Variants in THADA observed in about 807,000 individuals in gnomAD.
The protein encoded by THADA is THADA armadillo repeat containing, also known as tRNA (32-2'-O)-methyltransferase regulator THADA.
A neutral mutation model predicts 219.8 loss-of-function variants in THADA; 213 were observed. The ratio of observed to expected loss-of-function variants is 0.97; its 90% CI spans 0.87 to 1.09. The LOEUF is 1.09. Ranked by LOEUF, THADA falls within the 50% of genes least tolerant of loss-of-function variation. The probability of loss-of-function intolerance (pLI) is 0.00; values close to 1 mark genes in which losing one functional copy is unlikely to be tolerated. For missense variants in THADA, 2,956 were observed against 2,311.3 expected, an observed-to-expected ratio of 1.28 and a Z score of -5.72; for synonymous variants, 1,018 against 828.9, an observed-to-expected ratio of 1.23 and a Z score of -3.92.
At chr2:43,291,655 A>G (rs1260631548) in intron 34 of THADA, 41 bp downstream of exon 34, 32 of 1,487,590 alleles carry the variant, frequency 2.2e-5, no homozygotes, top group Non-Finnish European at 2.7e-5. Context: ...AATGAGAACA[A>G]AAAATCCTAG....
chr2:43,334,737 T>C (rs982399692), intron 30 of THADA, among the ~76,000 whole-genome samples: 3 of 151,042 alleles, frequency 2.0e-5, no homozygotes, highest in Non-Finnish European at 4.4e-5. Flanking sequence ...ATCGCGCCAC[T>C]GCACTCCAGC....
chr2:43,500,003 C>T (rs1688735271), intron 24 of THADA, among the ~76,000 whole-genome samples: 1 of 151,860 alleles, frequency 6.6e-6, no homozygotes, highest in Non-Finnish European at 1.5e-5. Flanking sequence ...TTCTCTGAAA[C>T]AGAAATAAAC....
At chr2:43,411,636 T>C (rs1263099215) in intron 28 of THADA, among the ~76,000 whole-genome samples, 1 of 152,194 alleles carries the variant, frequency 6.6e-6, no homozygotes, top group Admixed American at 6.5e-5. Context: ...CAGTGGATTA[T>C]TTTTCAATAT....
chr2:43,507,642 G>C (rs561329272), intron 23 of THADA, among the ~76,000 whole-genome samples: 5 of 152,052 alleles, frequency 3.3e-5, no homozygotes, highest in South Asian at 2.1e-4. Context: ...GGAGGAGTAA[G>C]AAAGATAAGG....
At chr2:43,494,161 C>A (rs1687984599) in intron 25 of THADA, among the ~76,000 whole-genome samples, 1 of 152,128 alleles carries the variant, frequency 6.6e-6, no homozygotes, top group South Asian at 2.1e-4. Flanking sequence ...TGGTAATGCC[C>A]CAAGGATGAA....
intron 36 of THADA, among the ~76,000 whole-genome samples, chr2:43,268,400 C>T (rs1313378840): frequency 1.3e-5 from 2 of 152,178 alleles, no homozygotes; most frequent in African/African-American, 4.8e-5. Flanking sequence ...CACCCTGCCC[C>T]ACGTGTGCAG....
intron 26 of THADA, among the ~76,000 whole-genome samples, chr2:43,467,121 G>A (rs1227318690): frequency 7.5e-6 from 1 of 133,962 alleles, no homozygotes; most frequent in African/African-American, 2.8e-5. Context: ...GGCGGAGCTT[G>A]CAGTGAGCCG....
intron 26 of THADA, among the ~76,000 whole-genome samples, chr2:43,453,482 A>G (rs1682612752): frequency 6.6e-6 from 1 of 152,258 alleles, no homozygotes; most frequent in Non-Finnish European, 1.5e-5. Flanking sequence ...TGGAATAAGT[A>G]TAACTCATTA....
chr2:43,520,713 T>TATATATATATACACACACAC (rs1218079783), intron 22 of THADA, among the ~76,000 whole-genome samples: 17 of 125,124 alleles, frequency 1.4e-4, no homozygotes, highest in African/African-American at 3.9e-4. Context: ...TATATATATA[T>TATATATATATACACACACAC]ACACACACAC....
At chr2:43,430,350 C>T in intron 26 of THADA, 48 bp from the exon 27 acceptor site, 1 of 1,102,672 alleles carries the variant, frequency 9.1e-7, no homozygotes. Flanking sequence ...TCCCTTTGAT[C>T]TGACAATAAA....
At chr2:43,248,887 G>T (rs1487700105) in intron 36 of THADA, among the ~76,000 whole-genome samples, 3 of 152,124 alleles carry the variant, frequency 2.0e-5, no homozygotes, top group African/African-American at 7.2e-5. Flanking sequence ...CTGGAACTCT[G>T]AGGCGCCCTC....
Position 43,232,830 on chromosome 2 carries a change from G to A in THADA, c.5349C>T (p.Ala1783=), listed in dbSNP as rs377244192. 158 of 1,612,194 alleles carry A rather than the reference G, an allele frequency of 9.8e-5. No individual in the cohort carries two copies. In the African/African-American group the frequency reaches 1.1e-3, roughly 12 times the overall value. The part of the protein sequence containing the change: ...DASIALALAL[A]VLCDLLQQWD... ...ACTGCTGGAGCAGATCACACAGGAC[G>A]GCCAGGGCCAGGGCCAGAGCGATGG... The change falls in exon 37 of 38, where the codon GCC becomes GCT. Residue 1783 remains alanine (A), a synonymous_variant. Transcript: ENST00000405975.
chr2:43,523,597 G>T (rs1692770520), intron 22 of THADA, among the ~76,000 whole-genome samples: 1 of 152,014 alleles, frequency 6.6e-6, no homozygotes. Context: ...TTGAATCATG[G>T]TAGCTATAAT....
In THADA at chr2:43,547,574, C is replaced by G. The variant is rs1312248640; in HGVS notation, c.3106+1636G>C. On this transcript the variant is annotated intron_variant, in intron 20 of 37. Transcript: ENST00000405975. ...GAGGCTTTGTTCATTTCTTTTTATT[C>G]TTTTTTCTCTAAACCTCCCTTCTCG... Among the ~76,000 whole-genome samples, 3 of 152,190 alleles carry G rather than the reference C, an allele frequency of 2.0e-5. No homozygotes were observed. The East Asian group carries it at 5.8e-4, about 29-fold the overall frequency.
intron 26 of THADA, among the ~76,000 whole-genome samples, chr2:43,438,702 G>C (rs149465055): frequency 6.6e-6 from 1 of 152,124 alleles, no homozygotes; most frequent in Non-Finnish European, 1.5e-5. Flanking sequence ...CATTACAGTA[G>C]TCCCCCCCTT....
chr2:43,451,307 A>G (rs1416898603), intron 26 of THADA, among the ~76,000 whole-genome samples: 1 of 152,160 alleles, frequency 6.6e-6, no homozygotes, highest in Admixed American at 6.5e-5. Flanking sequence ...TCTAAAGTGA[A>G]ACTCTGAACA....
chr2:43,244,759 C>G (rs1034176702), intron 36 of THADA, among the ~76,000 whole-genome samples: 1 of 152,256 alleles, frequency 6.6e-6, no homozygotes, highest in Non-Finnish European at 1.5e-5. Flanking sequence ...AGATGAGTCC[C>G]TCCCTATGCC....
chr2:43,316,756 C>T (rs1678128661), intron 31 of THADA, among the ~76,000 whole-genome samples: 6 of 152,046 alleles, frequency 3.9e-5, no homozygotes, highest in Admixed American at 2.0e-4. Context: ...GGAGAAACCC[C>T]GTCTCCACTA....
chr2:43,509,751 T>A (rs536464741), intron 22 of THADA, among the ~76,000 whole-genome samples: 1 of 152,228 alleles, frequency 6.6e-6, no homozygotes, highest in South Asian at 2.1e-4. Context: ...TAGAACAAAA[T>A]ATATAAATAA....
Sources: allele counts gnomAD v4.1 joint callset (sites outside exome capture counted in the v4.1 genomes callset), GRCh38; gene constraint gnomAD v4.1.1; transcripts MANE v1.5; gene names NCBI Gene and HGNC (gene_info 2026-07-23, HGNC 2026-07-21).